DIAPH3: variants seen among roughly 807,000 people sequenced by gnomAD.
The protein encoded by DIAPH3 is diaphanous related formin 3, also known as protein diaphanous homolog 3.
Under a neutral mutation model 144.3 loss-of-function variants are expected in DIAPH3, and 117 were observed. That is an observed-to-expected ratio of 0.81 (90% confidence interval 0.70 to 0.95). DIAPH3 has a LOEUF of 0.95. DIAPH3 is among the 40% of genes least tolerant of loss of function. DIAPH3 has a pLI of 0.00. For synonymous variants in DIAPH3, 519 were observed against 488.9 expected (o/e 1.06, Z -0.81); for missense variants, 1,421 against 1,412.7 (o/e 1.01, Z -0.09).
intron 25 of DIAPH3, among the ~76,000 whole-genome samples, chr13:59,798,050 A>G (rs1327211284): frequency 1.3e-5 from 2 of 152,122 alleles, no homozygotes; most frequent in Non-Finnish European, 2.9e-5. Context: ...GAGCAGCATC[A>G]CCTACCTGTT....
chr13:59,742,688 G>T (rs2036521305), intron 27 of DIAPH3, among the ~76,000 whole-genome samples: 1 of 147,624 alleles, frequency 6.8e-6, no homozygotes, highest in Admixed American at 6.8e-5. Flanking sequence ...AAGGAAGGAA[G>T]AAAGGGAGAA....
intron 17 of DIAPH3, among the ~76,000 whole-genome samples, chr13:59,940,435 C>T (rs1028767321): frequency 1.5e-4 from 23 of 152,228 alleles, no homozygotes; most frequent in African/African-American, 4.6e-4. Context: ...AACAAGCCAA[C>T]GCAGAACAGA....
chr13:59,723,113 TC>T (rs2035425142), intron 27 of DIAPH3, among the ~76,000 whole-genome samples: 1 of 152,112 alleles, frequency 6.6e-6, no homozygotes, highest in Non-Finnish European at 1.5e-5. Context: ...GTGAACTCTT[TC>T]CCCCACTCTG....
At chr13:59,678,126 C>T (rs954741149) in intron 27 of DIAPH3, among the ~76,000 whole-genome samples, 12 of 152,088 alleles carry the variant, frequency 7.9e-5, no homozygotes, top group African/African-American at 1.2e-4. Context: ...TTCTCCTATT[C>T]GTATTGGATC....
intron 8 of DIAPH3, among the ~76,000 whole-genome samples, 161 bp from the exon 9 acceptor site, chr13:60,008,810 T>A (rs982857379): frequency 3.3e-5 from 5 of 152,208 alleles, no homozygotes; most frequent in Non-Finnish European, 2.9e-5. Flanking sequence ...TCTAAGCATG[T>A]TACATTTTAA....
chr13:59,865,385 T>A (rs67732240), intron 21 of DIAPH3, among the ~76,000 whole-genome samples: 12,609 of 152,076 alleles, frequency 0.083, 602 homozygotes, highest in East Asian at 0.14. Flanking sequence ...TAACAACTTA[T>A]GTAAACTTTG....
intron 27 of DIAPH3, among the ~76,000 whole-genome samples, chr13:59,682,203 T>A (rs1424700420): frequency 6.6e-6 from 1 of 152,210 alleles, no homozygotes; most frequent in Non-Finnish European, 1.5e-5. Context: ...TATACATAAA[T>A]CCTCACATTT....
intron 20 of DIAPH3, among the ~76,000 whole-genome samples, chr13:59,910,737 T>TAA (rs761070763): frequency 3.3e-5 from 4 of 119,828 alleles, no homozygotes; most frequent in East Asian, 2.3e-4. Context: ...CTCAAGTATT[T>TAA]AAAAAAAAAA....
chr13:60,030,380 C>T (rs902080515), intron 5 of DIAPH3, among the ~76,000 whole-genome samples: 2 of 151,758 alleles, frequency 1.3e-5, no homozygotes, highest in African/African-American at 4.8e-5. Context: ...TAAAAGGAAT[C>T]GCAACAATTT....
chr13:59,844,105 T>TAAAA (rs60906914), intron 22 of DIAPH3, among the ~76,000 whole-genome samples: 2 of 144,860 alleles, frequency 1.4e-5, no homozygotes, highest in African/African-American at 2.6e-5. Flanking sequence ...TCCCAGAACT[T>TAAAA]AAAAAAAAAA....
At chr13:59,687,777 G>A (rs1014690254) in intron 27 of DIAPH3, among the ~76,000 whole-genome samples, 20 of 152,058 alleles carry the variant, frequency 1.3e-4, no homozygotes, top group African/African-American at 4.8e-4. Flanking sequence ...ACTGCCCATA[G>A]AAGTACAGGC....
chr13:60,008,566 C>A lies in DIAPH3; in HGVS notation c.992G>T (p.Arg331Leu). 8.1e-6 allele frequency: 13 copies of A among 1,613,164 alleles called. No homozygotes were observed. The highest frequency in any genetic ancestry group is 1.1e-5 in the Non-Finnish European group (13 of 1,179,552). Residue 331 changes from arginine (R) to leucine (L), a missense_variant, in exon 9 of 28, where the codon CGG becomes CTG. Coordinates refer to ENST00000400324, the MANE Select transcript of DIAPH3 (RefSeq NM_001042517.2). ...DRFFCIVEGL[R>L]HNSVQLQVAC... ...TACTTGCAGTTGAACTGAATTGTGC[C>A]GGAGGCCTTCCACAATACAAAAAAA...
intron 2 of DIAPH3, among the ~76,000 whole-genome samples, chr13:60,119,724 G>A (rs1410635684): frequency 7.2e-6 from 1 of 138,370 alleles, no homozygotes; most frequent in Non-Finnish European, 1.5e-5. Flanking sequence ...TCCAGCCTGG[G>A]CGACAGAGCG....
chr13:60,148,241 T>G (rs183101254), intron 1 of DIAPH3, among the ~76,000 whole-genome samples: 2 of 152,292 alleles, frequency 1.3e-5, no homozygotes, highest in East Asian at 3.9e-4. Flanking sequence ...AAAATAAGGT[T>G]GAATATTTTG....
rs935199335 is a variant in DIAPH3 at position 59,936,083 on chromosome 13, A to G, written c.2075-11213T>C. ...ACAGGAATAAGAATCTCACTACTTAATAAACCCTTCATTATGGGTATATCT... is the reference window on the plus strand; with the variant it reads ...ACAGGAATAAGAATCTCACTACTTAGTAAACCCTTCATTATGGGTATATCT... On this transcript the variant is annotated intron_variant, in intron 17 of 27. Coordinates refer to ENST00000400324, the MANE Select transcript of DIAPH3 (RefSeq NM_001042517.2). 3.3e-5 allele frequency among the ~76,000 whole-genome samples: 5 copies of G among 152,278 alleles called. No individual in the cohort carries two copies. In the East Asian group the frequency reaches 7.7e-4, roughly 23 times the overall value.
At chr13:60,064,371 C>G (rs912068203) in intron 4 of DIAPH3, among the ~76,000 whole-genome samples, 1 of 152,132 alleles carries the variant, frequency 6.6e-6, no homozygotes, top group East Asian at 1.9e-4. Context: ...GTGTAGCCAC[C>G]CTCATCAATG....
chr13:59,893,275 A>G (rs2045914576), intron 20 of DIAPH3, among the ~76,000 whole-genome samples: 1 of 152,176 alleles, frequency 6.6e-6, no homozygotes, highest in Non-Finnish European at 1.5e-5. Flanking sequence ...CATTTATGAA[A>G]CAAACACACT....
intron 24 of DIAPH3, among the ~76,000 whole-genome samples, chr13:59,825,236 G>A (rs893985939): frequency 7.3e-5 from 11 of 151,590 alleles, no homozygotes; most frequent in Non-Finnish European, 1.2e-4. Flanking sequence ...CCCTTCCTGT[G>A]TCCATGTGTT....
intron 25 of DIAPH3, among the ~76,000 whole-genome samples, chr13:59,775,991 A>G (rs341544): frequency 0.74 from 112,989 of 152,154 alleles, 42,292 homozygotes; most frequent in East Asian, 0.88. Context: ...CAAATTCAAG[A>G]AAACCGTAAG....
Sources: gnomAD v4.1 joint callset for allele counts (sites outside exome capture counted in the v4.1 genomes callset) on GRCh38, gnomAD v4.1.1 for gene constraint, MANE v1.5 for transcripts, NCBI Gene and HGNC (gene_info 2026-07-23, HGNC 2026-07-21) for gene names.